The following PDPK1 variants were observed in gnomAD, a reference collection of about 807,000 sequenced individuals.
PDPK1 encodes 3-phosphoinositide-dependent protein kinase 1.
A neutral mutation model predicts 39.8 loss-of-function variants in PDPK1; 7 were observed. The observed-to-expected ratio is 0.18, with a 90% CI of 0.10 to 0.33. The LOEUF (loss-of-function observed/expected upper bound fraction) is 0.33, where lower values mean the gene tolerates loss of function less well. Among genes scored for constraint, PDPK1 ranks in the 10% least tolerant of loss-of-function variants. PDPK1 has a pLI of 1.00. For missense variants in PDPK1, 182 were observed against 384.7 expected (o/e 0.47, Z 4.41); for synonymous variants, 118 against 159.1 (o/e 0.74, Z 1.95).
At chr16:2,588,015 G>C (rs917047289) in intron 11 of PDPK1, among the ~76,000 whole-genome samples, 6 of 152,298 alleles carry the variant, frequency 3.9e-5, no homozygotes, top group Non-Finnish European at 8.8e-5. Flanking sequence ...ATGCTGGAGT[G>C]GAAGCACAAG....
At chr16:2,552,384 A>C (rs1283223277) in intron 1 of PDPK1, among the ~76,000 whole-genome samples, 1 of 151,516 alleles carries the variant, frequency 6.6e-6, no homozygotes, top group Non-Finnish European at 1.5e-5. Context: ...TTCTCAGAAA[A>C]TGCCCAGTTT....
At chr16:2,542,258 C>T (rs1167072075) in intron 1 of PDPK1, among the ~76,000 whole-genome samples, 1 of 152,210 alleles carries the variant, frequency 6.6e-6, no homozygotes, top group African/African-American at 2.4e-5. Flanking sequence ...CTCATGGGTT[C>T]AAGTGATTCT....
In PDPK1 at chr16:2,538,055, G is replaced by A. The variant is rs2066169187; in HGVS notation, c.-58G>A. 2 of 892,666 alleles carry A rather than the reference G, an allele frequency of 2.2e-6. No homozygotes were observed. Among genetic ancestry groups the A allele is most frequent in the Admixed American group, 5.8e-5 (1 of 17,280 alleles). 55.3% of individuals were successfully genotyped at this position (892,666 alleles called of 1,614,324 possible). A position where few individuals can be genotyped will look rare whatever the true frequency, so the allele number is the denominator to read the frequency against. On this transcript the variant is annotated 5_prime_UTR_variant, in exon 1 of 14. Transcript: ENST00000342085. Reference sequence around the variant, plus strand: ...GCTCCGCTTCGGGGAGGAGGACGCTGAGGAGGCGCCGAGCCGCGCAGCGCT... The same window carrying A: ...GCTCCGCTTCGGGGAGGAGGACGCTAAGGAGGCGCCGAGCCGCGCAGCGCT...
chr16:2,546,365 G>T (rs1299148995), intron 1 of PDPK1, among the ~76,000 whole-genome samples: 1 of 134,734 alleles, frequency 7.4e-6, no homozygotes, highest in South Asian at 2.5e-4. Flanking sequence ...ACAGAGTCTC[G>T]CTCTGTCGCC....
intron 10 of PDPK1, among the ~76,000 whole-genome samples, chr16:2,585,849 C>T (rs1455439247): frequency 2.2e-4 from 34 of 152,290 alleles, no homozygotes; most frequent in East Asian, 1.9e-4. Context: ...CCAGGGCCTG[C>T]GTCTGGAGGC....
At chr16:2,560,941 G>T (rs1482217385) in intron 2 of PDPK1, among the ~76,000 whole-genome samples, 1 of 151,424 alleles carries the variant, frequency 6.6e-6, no homozygotes, top group African/African-American at 2.5e-5. Flanking sequence ...CCTCTTGTGG[G>T]CACGCAGGGC....
At chr16:2,577,757 T>C (rs1430335161) in intron 7 of PDPK1, among the ~76,000 whole-genome samples, 3 of 149,822 alleles carry the variant, frequency 2.0e-5, no homozygotes, top group Non-Finnish European at 4.4e-5. Flanking sequence ...TTTTGTTTTT[T>C]GAGACGGAGT....
intron 1 of PDPK1, among the ~76,000 whole-genome samples, chr16:2,542,225 T>C (rs1422066319): frequency 6.6e-6 from 1 of 152,228 alleles, no homozygotes; most frequent in Non-Finnish European, 1.5e-5. Flanking sequence ...AGTGGCATGA[T>C]TTTGGCTCAC....
rs575697054 is a variant in PDPK1 at position 2,595,474 on chromosome 16, C to A, written c.1344-319C>A. Reference sequence around the variant, plus strand: ...CACAGCTTTGTTAAGGCAGCAATGACCTGTGTCACCTGCCCGTTTCTACAG... The same window carrying A: ...CACAGCTTTGTTAAGGCAGCAATGAACTGTGTCACCTGCCCGTTTCTACAG... On this transcript the variant is annotated intron_variant, in intron 11 of 13. Coordinates refer to ENST00000342085, the MANE Select transcript of PDPK1 (RefSeq NM_002613.5). Among the ~76,000 whole-genome samples the A allele has an allele frequency of 4.6e-5, 7 of 152,334 alleles. No homozygotes were observed. In the South Asian group the frequency reaches 1.2e-3, roughly 27 times the overall value.
intron 1 of PDPK1, among the ~76,000 whole-genome samples, chr16:2,544,837 G>A (rs1323960769): frequency 6.6e-6 from 1 of 151,892 alleles, no homozygotes; most frequent in Non-Finnish European, 1.5e-5. Context: ...GCCCACCTCG[G>A]CCTCCCAAAG....
At position 2,598,353 on chromosome 16, in the gene PDPK1, T is replaced by A. The variant is rs556257698; in HGVS notation, c.*586T>A. 4.3e-6 allele frequency: 1 copy of A among 234,230 alleles called. No homozygotes were observed. Among genetic ancestry groups the A allele is most frequent in the Non-Finnish European group, 8.4e-6 (1 of 118,732 alleles). 14.5% of individuals were successfully genotyped at this position (234,230 alleles called of 1,614,324 possible). A position where few individuals can be genotyped will look rare whatever the true frequency, so the allele number is the denominator to read the frequency against. ...TAGGCCTGGCTGGGCCCATTACATA[T>A]CCCTGTGGTGGCTCTGGTGGCAGCT... On this transcript the variant is annotated 3_prime_UTR_variant, in exon 14 of 14. Transcript: ENST00000342085.
chr16:2,540,621 G>A (rs2066227729), intron 1 of PDPK1, among the ~76,000 whole-genome samples: 1 of 152,148 alleles, frequency 6.6e-6, no homozygotes, highest in Admixed American at 6.5e-5. Context: ...CCGTGCTGGA[G>A]GTAGGAGGGG....
In PDPK1 at chr16:2,601,239, T is replaced by G. The variant is rs561678389; in HGVS notation, c.*3472T>G. 1 of 234,324 alleles carries G rather than the reference T, an allele frequency of 4.3e-6. No homozygotes were observed. Among genetic ancestry groups the G allele is most frequent in the South Asian group, 1.8e-4 (1 of 5,510 alleles). The allele number at this position is 234,324 out of a possible 1,614,324, so 14.5% of individuals were successfully genotyped here. On this transcript the variant is annotated 3_prime_UTR_variant, in exon 14 of 14. Transcript: ENST00000342085. ...ACTTCCAGTAGCAGAACCACCTTAGTTGTGTCTTACAGATTCTGAACAAAT... is the reference window on the plus strand; with the variant it reads ...ACTTCCAGTAGCAGAACCACCTTAGGTGTGTCTTACAGATTCTGAACAAAT...
chr16:2,590,924 C>T (rs1165425881), intron 11 of PDPK1, among the ~76,000 whole-genome samples: 1 of 151,514 alleles, frequency 6.6e-6, no homozygotes, highest in East Asian at 1.9e-4. Context: ...GGTGGGATTA[C>T]AGGCGTGAGC....
At position 2,599,790 on chromosome 16, in the gene PDPK1, C is replaced by T. The variant is rs1403875935; in HGVS notation, c.*2023C>T. ...AGTGGCTCTCTCAGATCTCTCAGGGCGTCTGGTTATAGGGAAACAAGTGGA... is the reference window on the plus strand; with the variant it reads ...AGTGGCTCTCTCAGATCTCTCAGGGTGTCTGGTTATAGGGAAACAAGTGGA... On this transcript the variant is annotated 3_prime_UTR_variant, in exon 14 of 14. Coordinates refer to ENST00000342085, the MANE Select transcript of PDPK1 (RefSeq NM_002613.5). 4 of 233,738 alleles carry T rather than the reference C, an allele frequency of 1.7e-5. No homozygotes were observed. Among genetic ancestry groups the T allele is most frequent in the Middle Eastern group, 2.5e-3 (2 of 790 alleles). 14.5% of individuals were successfully genotyped at this position (233,738 alleles called of 1,614,324 possible). A position where few individuals can be genotyped will look rare whatever the true frequency, so the allele number is the denominator to read the frequency against.
chr16:2,579,447 C>T (rs2066777711), intron 7 of PDPK1: 1 of 92,964 alleles, frequency 1.1e-5, no homozygotes, highest in Non-Finnish European at 2.1e-5. Context: ...CGCATAGGAT[C>T]CTGCCCTCTT....
chr16:2,592,901 G>A (rs936704179), intron 11 of PDPK1: 7 of 456,524 alleles, frequency 1.5e-5, no homozygotes, highest in Non-Finnish European at 2.2e-5. Flanking sequence ...GCGCCTGTCC[G>A]TGGGGCCCTT....
At chr16:2,546,134 A>G (rs1341693774) in intron 1 of PDPK1, among the ~76,000 whole-genome samples, 1 of 151,958 alleles carries the variant, frequency 6.6e-6, no homozygotes, top group Non-Finnish European at 1.5e-5. Flanking sequence ...CCCAGGCTGG[A>G]GTGCAGTGGC....
chr16:2,601,520 A>G lies in PDPK1; in HGVS notation c.*3753A>G. Reference sequence around the variant, plus strand: ...GTACTGAATTTGCATCTGCACAGTCAGCAGAGATAACAAGTGTTGAACTGA... The same window carrying G: ...GTACTGAATTTGCATCTGCACAGTCGGCAGAGATAACAAGTGTTGAACTGA... On this transcript the variant is annotated 3_prime_UTR_variant, in exon 14 of 14. Coordinates refer to ENST00000342085, the MANE Select transcript of PDPK1 (RefSeq NM_002613.5). The G allele has an allele frequency of 4.3e-6, 1 of 234,610 alleles. No homozygotes were observed. The allele number at this position is 234,610 out of a possible 1,614,324, so 14.5% of individuals were successfully genotyped here.
Sources: allele counts gnomAD v4.1 joint callset (sites outside exome capture counted in the v4.1 genomes callset), GRCh38; gene constraint gnomAD v4.1.1; transcripts MANE v1.5; gene names NCBI Gene and HGNC (gene_info 2026-07-23, HGNC 2026-07-21).